TCP11L2: variants seen among roughly 807,000 people sequenced by gnomAD.
The protein encoded by TCP11L2 is T-complex protein 11-like protein 2.
TCP11L2 carries 39 observed loss-of-function variants against 50.7 expected under a neutral mutation model. That is an observed-to-expected ratio of 0.77 (90% CI 0.60 to 1.01). The LOEUF is 1.01. TCP11L2 is among the 50% of genes least tolerant of loss of function. The probability of loss-of-function intolerance (pLI) is 0.00; values close to 1 mark genes in which losing one functional copy is unlikely to be tolerated. For synonymous variants in TCP11L2, 192 were observed against 219.3 expected, an observed-to-expected ratio of 0.88 and a Z score of 1.10; for missense variants, 612 against 614.7, an observed-to-expected ratio of 1.00 and a Z score of 0.05.
At chr12:106,299,984 T>C (rs1315866029), upstream of TCP11L2, among the ~76,000 whole-genome samples, 1 of 152,208 alleles carries the variant, frequency 6.6e-6, no homozygotes, top group Non-Finnish European at 1.5e-5. Context: ...CCTTAGTCTT[T>C]TGCCAAGAGT....
chr12:106,310,990 G>T, intron 1 of TCP11L2, 51 bp from the exon 2 acceptor site: 2 of 1,447,268 alleles, frequency 1.4e-6, no homozygotes, highest in Admixed American at 1.8e-5. Context: ...CATTGGTGGT[G>T]CCTGTGGAAG....
At chr12:106,336,805 C>T (rs1490670164) in intron 8 of TCP11L2, among the ~76,000 whole-genome samples, 1 of 152,144 alleles carries the variant, frequency 6.6e-6, no homozygotes, top group Non-Finnish European at 1.5e-5. Flanking sequence ...CCCATCTCGG[C>T]CTCCCTAGAA....
chr12:106,306,765 C>T (rs1423745317), intron 1 of TCP11L2, among the ~76,000 whole-genome samples: 1 of 152,196 alleles, frequency 6.6e-6, no homozygotes, highest in East Asian at 1.9e-4. Context: ...CACAACACTT[C>T]TACAAGGTGG....
chr12:106,324,833 G>T (rs1327718690), intron 6 of TCP11L2: 1 of 152,212 alleles, frequency 6.6e-6, no homozygotes, highest in Non-Finnish European at 1.5e-5. Context: ...AGTGAAACTG[G>T]TGAGACCAGG....
chr12:106,298,453 C>T (rs1467529694), upstream of TCP11L2, among the ~76,000 whole-genome samples: 2 of 152,056 alleles, frequency 1.3e-5, no homozygotes, highest in African/African-American at 4.8e-5. Flanking sequence ...TTCTGTAGCA[C>T]CTGAAGATGG....
chr12:106,346,435 C>T lies in TCP11L2; in HGVS notation c.1465C>T (p.Gln489Ter), dbSNP rs138892500. The T allele has an allele frequency of 4.3e-6, 7 of 1,614,024 alleles. No individual in the cohort carries two copies. The highest frequency in any genetic ancestry group is 1.3e-5 in the African/African-American group (1 of 74,906). The change falls in exon 10 of 10, where the codon CAA becomes TAA. Residue 489 changes from glutamine to a stop codon, truncating the protein, a stop_gained. Transcript: ENST00000299045. LOFTEE classifies it high-confidence loss of function. ...QYANIVNLNK[Q>*]VYGPFYANIL... is the part of the protein sequence containing the mutation. ...TGCAAACATTGTGAATCTCAACAAACAAGTGTATGGACCATTTTATGCAAA... is the reference window on the plus strand; with the variant it reads ...TGCAAACATTGTGAATCTCAACAAATAAGTGTATGGACCATTTTATGCAAA...
intron 2 of TCP11L2, among the ~76,000 whole-genome samples, chr12:106,313,517 T>C (rs1187679695): frequency 6.6e-6 from 1 of 150,898 alleles, no homozygotes; most frequent in Non-Finnish European, 1.5e-5. Context: ...GAGGTGGAGG[T>C]TGCAGTGAGC....
intron 3 of TCP11L2, 78 bp downstream of exon 3, chr12:106,314,571 G>C: frequency 1.0e-6 from 1 of 966,526 alleles, no homozygotes; most frequent in South Asian, 1.6e-5. Context: ...GTGTGTGTGT[G>C]TGTGTGAGAG....
chr12:106,346,527 C>G lies in TCP11L2; in HGVS notation c.1557C>G (p.Asn519Lys), dbSNP rs1419685562. 1.2e-6 allele frequency: 2 copies of G among 1,610,336 alleles called. No individual in the cohort carries two copies. The highest frequency in any genetic ancestry group is 2.7e-5 in the African/African-American group (2 of 74,748). Reference sequence around the variant, plus strand: ...AGGTAGATGCTTCACCTCCTACTAACTAAAGAAGAACTGACATTGGACGAG... The same window carrying G: ...AGGTAGATGCTTCACCTCCTACTAAGTAAAGAAGAACTGACATTGGACGAG... ...MGKVDASPPT[N>K] is the part of the protein sequence containing the mutation. The change falls in exon 10 of 10, where the codon AAC becomes AAG. Residue 519 changes from asparagine (N) to lysine (K), a missense_variant. Asn to Lys is a moderately conservative substitution (Grantham distance 94, BLOSUM62 0). Transcript: ENST00000299045.
intron 1 of TCP11L2, chr12:106,303,730 A>T (rs897370829): frequency 2.6e-5 from 4 of 152,262 alleles, no homozygotes; most frequent in Non-Finnish European, 2.9e-5. Context: ...TGTTCCATTA[A>T]GTAAGCAGTT....
Position 106,323,576 on chromosome 12 carries a change from A to T in TCP11L2, c.702A>T (p.Arg234Ser). The T allele has an allele frequency of 6.2e-7, 1 of 1,609,222 alleles. No homozygotes were observed. Among genetic ancestry groups the T allele is most frequent in the Non-Finnish European group, 8.5e-7 (1 of 1,177,916 alleles). The change falls in exon 6 of 10, where the codon AGA (arginine) becomes AGT (serine). Residue 234 changes from arginine (R) to serine (S), a missense_variant. Arg to Ser is a moderately radical substitution (Grantham distance 110). Coordinates refer to ENST00000299045, the MANE Select transcript of TCP11L2 (RefSeq NM_152772.3). Reference sequence around the variant, plus strand: ...CCAATTTTACAATTATGAGTCTCAGACCGCACCTTCAACGCCAGTTGGTGG... The same window carrying T: ...CCAATTTTACAATTATGAGTCTCAGTCCGCACCTTCAACGCCAGTTGGTGG... ...DMANFTIMSL[R>S]PHLQRQLVEY...
intron 9 of TCP11L2, 112 bp downstream of exon 9, chr12:106,341,110 G>T: frequency 1.2e-6 from 1 of 845,472 alleles, no homozygotes. Context: ...CACTTTTGGA[G>T]GATAAATATT....
intron 2 of TCP11L2, chr12:106,312,282 G>C: frequency 4.8e-6 from 1 of 208,226 alleles, no homozygotes; most frequent in Non-Finnish European, 8.9e-6. Flanking sequence ...TTTTTTTGCT[G>C]TTATAAATAG....
chr12:106,315,158 C>T (rs186483163), intron 3 of TCP11L2, among the ~76,000 whole-genome samples: 73 of 152,096 alleles, frequency 4.8e-4, no homozygotes, highest in African/African-American at 1.6e-3. Context: ...ATTGCGTGAA[C>T]CCAGGAGGTG....
chr12:106,342,740 AGAGTCT>A (rs1169441467), intron 9 of TCP11L2, among the ~76,000 whole-genome samples: 1 of 152,254 alleles, frequency 6.6e-6, no homozygotes, highest in Non-Finnish European at 1.5e-5. Context: ...AGCTGGGGGC[AGAGTCT>A]GTCTTCCCCA....
At chr12:106,301,833 C>T (rs1055978439), upstream of TCP11L2, 4 of 152,278 alleles carry the variant, frequency 2.6e-5, no homozygotes, top group Non-Finnish European at 5.9e-5. Context: ...CAGAGCCCTC[C>T]TGGGACTGGT....
At chr12:106,330,687 G>C (rs1369513914) in intron 6 of TCP11L2, among the ~76,000 whole-genome samples, 1 of 152,136 alleles carries the variant, frequency 6.6e-6, no homozygotes, top group Admixed American at 6.5e-5. Flanking sequence ...AGCACTTGGG[G>C]GTTGTTTTGT....
intron 2 of TCP11L2, chr12:106,312,534 G>A (rs1313509750): frequency 1.8e-6 from 1 of 571,386 alleles, no homozygotes; most frequent in Non-Finnish European, 2.3e-6. Flanking sequence ...CCAATTCTGT[G>A]TATCACCTTT....
At chr12:106,330,197 C>T (rs1005858399) in intron 6 of TCP11L2, 1 of 985,312 alleles carries the variant, frequency 1.0e-6, no homozygotes, top group Non-Finnish European at 1.2e-6. Flanking sequence ...ATTACTGCCT[C>T]CAAACTTTCA....
Sources: allele counts gnomAD v4.1 joint callset (sites outside exome capture counted in the v4.1 genomes callset), GRCh38; gene constraint gnomAD v4.1.1; transcripts MANE v1.5; gene names NCBI Gene and HGNC (gene_info 2026-07-23, HGNC 2026-07-21).